KDM4C: variants seen among roughly 807,000 people sequenced by gnomAD.
KDM4C encodes the protein lysine demethylase 4C.
A neutral mutation model predicts 129.3 loss-of-function variants in KDM4C; 81 were observed. That is an observed-to-expected ratio of 0.63 (90% confidence interval 0.52 to 0.75). The LOEUF is 0.75. KDM4C is among the 30% of genes least tolerant of loss of function. The probability of loss-of-function intolerance (pLI) is 0.00; values close to 1 mark genes in which losing one functional copy is unlikely to be tolerated. For synonymous variants in KDM4C, 573 were observed against 456.1 expected (o/e 1.26, Z -3.26); for missense variants, 1,457 against 1,304.0 (o/e 1.12, Z -1.81).
At chr9:6,793,403 G>A (rs1241103424) in intron 2 of KDM4C, among the ~76,000 whole-genome samples, 2 of 151,800 alleles carry the variant, frequency 1.3e-5, no homozygotes, top group South Asian at 2.1e-4. Flanking sequence ...GGAGATCCAT[G>A]TATGGGTTTC....
rs951926618 is a variant in KDM4C at position 7,093,569 on chromosome 9, C to G, written c.2425-10116C>G. On this transcript the variant is annotated intron_variant, in intron 17 of 21. Coordinates refer to ENST00000381309, the MANE Select transcript of KDM4C (RefSeq NM_015061.6). ...TGGATGGTCCGCATTTTTCATTGTTCTTCATCTGGGTTTTTTTGTGTGTGT... is the reference window on the plus strand; with the variant it reads ...TGGATGGTCCGCATTTTTCATTGTTGTTCATCTGGGTTTTTTTGTGTGTGT... Among the ~76,000 whole-genome samples the G allele has an allele frequency of 2.0e-5, 3 of 152,132 alleles. No homozygotes were observed. The South Asian group carries it at 6.2e-4, about 32-fold the overall frequency.
At chr9:6,722,319 G>A (rs1816982514) in intron 1 of KDM4C, among the ~76,000 whole-genome samples, 1 of 152,090 alleles carries the variant, frequency 6.6e-6, no homozygotes, top group African/African-American at 2.4e-5. Flanking sequence ...AGTGTGGGCT[G>A]GGTTAGATGA....
chr9:7,159,249 G>T (rs978395747), intron 19 of KDM4C, among the ~76,000 whole-genome samples: 1 of 152,092 alleles, frequency 6.6e-6, no homozygotes, highest in Admixed American at 6.5e-5. Flanking sequence ...TGGGTCTTCC[G>T]AATACAGCAC....
chr9:6,736,072 G>T (rs994084445), intron 1 of KDM4C, among the ~76,000 whole-genome samples: 2 of 152,162 alleles, frequency 1.3e-5, no homozygotes. Context: ...CTGCCCTAGA[G>T]ATTTGTGGAA....
chr9:6,942,451 T>A (rs914304151), intron 8 of KDM4C: 1 of 151,908 alleles, frequency 6.6e-6, no homozygotes, highest in African/African-American at 2.4e-5. Flanking sequence ...GTGTTTTGTT[T>A]CTTTCCAGTA....
chr9:7,099,285 G>C (rs1038205688), intron 17 of KDM4C, among the ~76,000 whole-genome samples: 3 of 152,188 alleles, frequency 2.0e-5, no homozygotes, highest in African/African-American at 7.2e-5. Context: ...GATGTGCTTT[G>C]AACCTCCAGC....
chr9:7,039,625 A>G (rs188748145), intron 15 of KDM4C, among the ~76,000 whole-genome samples: 3 of 152,228 alleles, frequency 2.0e-5, no homozygotes, highest in African/African-American at 4.8e-5. Context: ...ATATAACACA[A>G]TTAACACACA....
chr9:6,946,524 A>T (rs192566834), intron 8 of KDM4C, among the ~76,000 whole-genome samples: 104 of 152,286 alleles, frequency 6.8e-4, no homozygotes, highest in African/African-American at 2.5e-3. Flanking sequence ...TTTGTATGCC[A>T]TGCAGATTTT....
intron 3 of KDM4C, among the ~76,000 whole-genome samples, chr9:6,811,279 G>C (rs879313295): frequency 6.6e-6 from 1 of 152,032 alleles, no homozygotes; most frequent in Admixed American, 6.6e-5. Context: ...TCAGCCTCCC[G>C]AGCAGCTGGG....
At chr9:6,753,544 G>A (rs1818142892), upstream of KDM4C, among the ~76,000 whole-genome samples, 2 of 152,180 alleles carry the variant, frequency 1.3e-5, no homozygotes, top group Non-Finnish European at 2.9e-5. Context: ...AGAGTGCTGG[G>A]ATTACAGGCA....
At chr9:6,934,948 C>G (rs1824485841) in intron 8 of KDM4C, among the ~76,000 whole-genome samples, 1 of 151,596 alleles carries the variant, frequency 6.6e-6, no homozygotes, top group Non-Finnish European at 1.5e-5. Flanking sequence ...CACATACACT[C>G]AGATTTTTTT....
intron 17 of KDM4C, among the ~76,000 whole-genome samples, chr9:7,084,754 A>G (rs1454517189): frequency 6.6e-6 from 1 of 152,200 alleles, no homozygotes; most frequent in Admixed American, 6.5e-5. Context: ...TCTGACATGT[A>G]GTTGATTATT....
At chr9:6,794,222 C>T (rs911713672) in intron 2 of KDM4C, among the ~76,000 whole-genome samples, 2 of 152,118 alleles carry the variant, frequency 1.3e-5, no homozygotes, top group Admixed American at 6.5e-5. Flanking sequence ...TGTTCCTGCC[C>T]CCATGGAGCT....
At chr9:6,900,344 G>A (rs1319585675) in intron 8 of KDM4C, among the ~76,000 whole-genome samples, 1 of 152,226 alleles carries the variant, frequency 6.6e-6, no homozygotes, top group Non-Finnish European at 1.5e-5. Flanking sequence ...CGCCAGCCAC[G>A]TGTGTGATTT....
At position 6,849,645 on chromosome 9, in the gene KDM4C, G is replaced by A; in HGVS notation, c.574G>A (p.Glu192Lys). The change falls in exon 5 of 22, where the codon GAA becomes AAA. Residue 192 changes from glutamate to lysine, a missense_variant. Glu to Lys is a moderately conservative substitution (Grantham distance 56, BLOSUM62 1). Transcript: ENST00000381309. ...GAAGACCACGTTTGCATGGCACACCGAAGACATGGACCTCTATAGCATTAA... is the reference window on the plus strand; with the variant it reads ...GAAGACCACGTTTGCATGGCACACCAAAGACATGGACCTCTATAGCATTAA... ...MWKTTFAWHTEDMDLYSINYL... is the reference protein window; with the variant it reads ...MWKTTFAWHTKDMDLYSINYL... 1 of 1,613,440 alleles carries A rather than the reference G, an allele frequency of 6.2e-7. No homozygotes were observed. Among genetic ancestry groups the A allele is most frequent in the Non-Finnish European group, 8.5e-7 (1 of 1,179,532 alleles).
intron 19 of KDM4C, among the ~76,000 whole-genome samples, chr9:7,133,848 TC>T (rs1477237554): frequency 2.0e-5 from 3 of 152,206 alleles, no homozygotes; most frequent in Non-Finnish European, 4.4e-5. Flanking sequence ...ACAGAGTTGT[TC>T]CCAGAAACGT....
intron 8 of KDM4C, among the ~76,000 whole-genome samples, chr9:6,952,895 A>G (rs552353013): frequency 6.6e-6 from 1 of 152,340 alleles, no homozygotes; most frequent in East Asian, 1.9e-4. Context: ...CAACATTTGT[A>G]CAGTGAGCAC....
intron 11 of KDM4C, 63 bp from the exon 12 acceptor site, chr9:6,990,351 GTT>G (rs112486972): frequency 1.9e-4 from 155 of 808,336 alleles, no homozygotes; most frequent in Non-Finnish European, 2.4e-4. Flanking sequence ...GAACTGTAGG[GTT>G]TTTTTTTTTT....
At chr9:6,737,178 C>G (rs140882371) in intron 1 of KDM4C, among the ~76,000 whole-genome samples, 1 of 149,776 alleles carries the variant, frequency 6.7e-6, no homozygotes, top group African/African-American at 2.5e-5. Flanking sequence ...AGAAAATTGA[C>G]AAACGGGACC....
Sources: gnomAD v4.1 joint callset for allele counts (sites outside exome capture counted in the v4.1 genomes callset) on GRCh38, gnomAD v4.1.1 for gene constraint, MANE v1.5 for transcripts, NCBI Gene and HGNC (gene_info 2026-07-23, HGNC 2026-07-21) for gene names.